The following MEDAG variants were observed in gnomAD, a reference collection of about 807,000 sequenced individuals.
MEDAG encodes the protein mesenteric estrogen-dependent adipogenesis protein.
MEDAG carries 25 observed loss-of-function variants against 29.9 expected under a neutral mutation model. The observed-to-expected ratio is 0.84, with a 90% CI of 0.61 to 1.17. The LOEUF is 1.17. MEDAG is among the 50% of genes most tolerant of loss of function. The pLI, the probability that MEDAG is intolerant of heterozygous loss-of-function variation, is 0.00. For missense variants in MEDAG, 398 were observed against 372.9 expected, an observed-to-expected ratio of 1.07 and a Z score of -0.56; for synonymous variants, 158 against 148.2, an observed-to-expected ratio of 1.07 and a Z score of -0.48.
Position 30,906,710 on chromosome 13 carries a change from G to A in MEDAG, c.195G>A (p.Ala65=). 6.6e-7 allele frequency: 1 copy of A among 1,514,240 alleles called. No individual in the cohort carries two copies. Among genetic ancestry groups the A allele is most frequent in the East Asian group, 2.5e-5 (1 of 40,132 alleles). The allele number at this position is 1,514,240 out of a possible 1,614,324, so 93.8% of individuals were successfully genotyped here. A position where few individuals can be genotyped will look rare whatever the true frequency, so the allele number is the denominator to read the frequency against. The part of the protein sequence containing the change: ...LVVARPGEPA[A]ARGGFNVFGD... ...TGGCCAGGCCCGGGGAGCCGGCGGC[G>A]GCGCGGGGGGGCTTCAACGTCTTCG... Residue 65 remains alanine (A), a synonymous_variant, in exon 1 of 5, where the codon GCG becomes GCA. Transcript: ENST00000380482.
chr13:30,910,216 A>ACACACG (rs1435610549), intron 1 of MEDAG, among the ~76,000 whole-genome samples: 6 of 151,878 alleles, frequency 4.0e-5, no homozygotes, highest in Non-Finnish European at 7.4e-5. Context: ...ACACACACAC[A>ACACACG]CATGTTTTTT....
intron 2 of MEDAG, among the ~76,000 whole-genome samples, chr13:30,920,174 A>C (rs986330274): frequency 6.6e-6 from 1 of 152,172 alleles, no homozygotes; most frequent in Non-Finnish European, 1.5e-5. Flanking sequence ...GAAGCTGGGG[A>C]GAGCTGGGCA....
intron 1 of MEDAG, among the ~76,000 whole-genome samples, chr13:30,914,285 A>G (rs374251114): frequency 6.6e-6 from 1 of 152,214 alleles, no homozygotes; most frequent in African/African-American, 2.4e-5. Context: ...GGATGGAGGA[A>G]TTAATGAGGT....
rs544868160 is a variant in MEDAG at position 30,921,923 on chromosome 13, T to C, written c.787+77T>C. 1.1e-4 allele frequency: 155 copies of C among 1,448,296 alleles called. No individual in the cohort carries two copies. The South Asian group carries it at 1.9e-3, about 18-fold the overall frequency. 89.7% of individuals were successfully genotyped at this position (1,448,296 alleles called of 1,614,324 possible). ...GAGTAAAATAATGGAAGAGAGTCAA[T>C]TGATTCAAAAGGCAAGACCTATTAA... On this transcript the variant is annotated intron_variant, in intron 4 of 4. Coordinates refer to ENST00000380482, the MANE Select transcript of MEDAG (RefSeq NM_032849.4).
At chr13:30,921,982 A>G (rs1952991999) in intron 4 of MEDAG, 136 bp downstream of exon 4, 2 of 959,794 alleles carry the variant, frequency 2.1e-6, no homozygotes, top group Non-Finnish European at 3.0e-6. Context: ...TTCAGAAAGT[A>G]AGAAGTGGGG....
At chr13:30,923,104 A>C (rs1003687438) in intron 4 of MEDAG, among the ~76,000 whole-genome samples, 3 of 151,950 alleles carry the variant, frequency 2.0e-5, no homozygotes, top group Admixed American at 6.6e-5. Flanking sequence ...TGGTTTTAGT[A>C]GAGACGGGTT....
intron 2 of MEDAG, among the ~76,000 whole-genome samples, chr13:30,917,988 G>T (rs760753775): frequency 1.3e-5 from 2 of 152,172 alleles, no homozygotes; most frequent in Admixed American, 1.3e-4. Context: ...AAATCAGCTT[G>T]TGACAAGGTA....
chr13:30,923,251 C>A (rs1423822381), intron 4 of MEDAG, among the ~76,000 whole-genome samples: 1 of 152,152 alleles, frequency 6.6e-6, no homozygotes, highest in African/African-American at 2.4e-5. Context: ...CAAATGTTTA[C>A]AACAAAAATG....
intron 1 of MEDAG, chr13:30,908,746 C>T (rs1483267649): frequency 1.5e-5 from 2 of 137,078 alleles, no homozygotes; most frequent in African/African-American, 5.3e-5. Context: ...TTCCTTCCTT[C>T]CTTCTTTTTG....
chr13:30,910,719 G>T (rs115603513), intron 1 of MEDAG, among the ~76,000 whole-genome samples: 1 of 152,216 alleles, frequency 6.6e-6, no homozygotes, highest in Non-Finnish European at 1.5e-5. Flanking sequence ...GCTCCTGGAT[G>T]GGTGACAGTC....
rs1952832679 is a variant in MEDAG, at chr13:30,906,640, G to A, written c.125G>A (p.Arg42His). ...LALLPLAQLL[R>H]LQPGAFQLSG... is the part of the protein sequence containing the mutation. Reference sequence around the variant, plus strand: ...CTGCTGCCGCTGGCTCAGCTGCTGCGCCTGCAGCCCGGTGCCTTCCAGCTG... The same window carrying A: ...CTGCTGCCGCTGGCTCAGCTGCTGCACCTGCAGCCCGGTGCCTTCCAGCTG... The change falls in exon 1 of 5, where the codon CGC becomes CAC. Residue 42 changes from arginine (R) to histidine (H), a missense_variant. Physicochemically the swap from Arg to His is conservative, Grantham distance 29. Coordinates refer to ENST00000380482, the MANE Select transcript of MEDAG (RefSeq NM_032849.4). 3 of 1,577,528 alleles carry A rather than the reference G, an allele frequency of 1.9e-6. No homozygotes were observed. The highest frequency in any genetic ancestry group is 2.6e-6 in the Non-Finnish European group (3 of 1,170,200).
intron 4 of MEDAG, chr13:30,922,651 T>C (rs1426361905): frequency 6.6e-6 from 1 of 152,322 alleles, no homozygotes; most frequent in East Asian, 1.9e-4. Context: ...ACACTCTTGA[T>C]GACATATGGC....
Position 30,918,525 on chromosome 13 carries a change from G to T in MEDAG, c.388+1013G>T, listed in dbSNP as rs1215737061. Among the ~76,000 whole-genome samples, 4 of 152,198 alleles carry T rather than the reference G, an allele frequency of 2.6e-5. No homozygotes were observed. The East Asian group carries it at 7.7e-4, about 29-fold the overall frequency. On this transcript the variant is annotated intron_variant, in intron 2 of 4. Transcript: ENST00000380482. ...CTTCATTGTTTCTTCCAAGAAATCA[G>T]ATTAGCTGGTAGCAACTATATTAAA...
chr13:30,914,055 A>G lies in MEDAG; in HGVS notation c.279-3348A>G, dbSNP rs537993933. ...AGACTCCATCTCAAAAAACAAACAA[A>G]CGAACACACAAACAAAGAAGATCAA... On this transcript the variant is annotated intron_variant, in intron 1 of 4. Coordinates refer to ENST00000380482, the MANE Select transcript of MEDAG (RefSeq NM_032849.4). Among the ~76,000 whole-genome samples the G allele has an allele frequency of 3.9e-5, 6 of 152,298 alleles. 1 individual carries two copies. The South Asian group carries it at 1.0e-3, about 26-fold the overall frequency.
At position 30,917,523 on chromosome 13, in the gene MEDAG, A is replaced by G. The variant is rs758463427; in HGVS notation, c.388+11A>G. The G allele has an allele frequency of 2.0e-5, 28 of 1,391,392 alleles. No individual in the cohort carries two copies. The highest frequency in any genetic ancestry group is 1.0e-4 in the African/African-American group (7 of 69,754). 86.2% of individuals were successfully genotyped at this position (1,391,392 alleles called of 1,614,324 possible). A position where few individuals can be genotyped will look rare whatever the true frequency, so the allele number is the denominator to read the frequency against. ...AAGACACCTCAAAAGGTAAGTATCT[A>G]TATTAGTCCATTTTCACACTGCTAT... On this transcript the variant is annotated intron_variant, in intron 2 of 4. Coordinates refer to ENST00000380482, the MANE Select transcript of MEDAG (RefSeq NM_032849.4).
At chr13:30,922,197 A>G (rs1293702535) in intron 4 of MEDAG, 1 of 165,382 alleles carries the variant, frequency 6.0e-6, no homozygotes, top group Non-Finnish European at 1.3e-5. Context: ...TCTGTACAAC[A>G]GAATGTGAAC....
rs1206300565 is a variant in MEDAG at position 30,921,739 on chromosome 13, C to T, written c.680C>T (p.Thr227Ile). The T allele has an allele frequency of 1.9e-6, 3 of 1,614,008 alleles. No homozygotes were observed. Among genetic ancestry groups the T allele is most frequent in the Non-Finnish European group, 2.5e-6 (3 of 1,179,988 alleles). The change falls in exon 4 of 5, where the codon ACA (threonine) becomes ATA (isoleucine). Residue 227 changes from threonine to isoleucine, a missense_variant. By Grantham distance (89) the Thr-to-Ile change is moderately conservative (BLOSUM62 -1). Coordinates refer to ENST00000380482, the MANE Select transcript of MEDAG (RefSeq NM_032849.4). ...GGAAAAGTTCTGAATTTGTCAAGTA[C>T]AAGTCCAGAAAAGAAGGAGACGATT... ...VNGKVLNLSS[T>I]SPEKKETIKL...
chr13:30,907,761 G>T (rs1207399175), intron 1 of MEDAG, among the ~76,000 whole-genome samples: 1 of 152,256 alleles, frequency 6.6e-6, no homozygotes, highest in Non-Finnish European at 1.5e-5. Context: ...CAGCGCCTTT[G>T]CTACTGGGAA....
intron 2 of MEDAG, among the ~76,000 whole-genome samples, chr13:30,919,878 G>A (rs545880773): frequency 6.6e-6 from 1 of 152,266 alleles, no homozygotes; most frequent in South Asian, 2.1e-4. Context: ...AAAGTTAAGA[G>A]GTTGCTGGTT....
Sources: allele counts gnomAD v4.1 joint callset (sites outside exome capture counted in the v4.1 genomes callset), GRCh38; gene constraint gnomAD v4.1.1; transcripts MANE v1.5; gene names NCBI Gene and HGNC (gene_info 2026-07-23, HGNC 2026-07-21).